Variants in DSCAM observed in about 807,000 individuals in gnomAD.
The protein encoded by DSCAM is DS cell adhesion molecule, also known as cell adhesion molecule DSCAM.
Under a neutral mutation model 217.7 loss-of-function variants are expected in DSCAM, and 47 were observed. The observed-to-expected ratio is 0.22, with a 90% CI of 0.17 to 0.28. DSCAM has a LOEUF of 0.28. Among genes scored for constraint, DSCAM ranks in the 10% least tolerant of loss-of-function variants. DSCAM has a pLI of 1.00. For synonymous variants in DSCAM, 1,056 were observed against 1,015.3 expected (o/e 1.04, Z -0.76); for missense variants, 2,080 against 2,618.3 (o/e 0.79, Z 4.49).
chr21:40,693,016 A>T (rs1035101248), intron 2 of DSCAM, 60 bp from the exon 3 acceptor site: 8 of 1,566,404 alleles, frequency 5.1e-6, no homozygotes, highest in Non-Finnish European at 7.0e-6. Context: ...TTCTGAGAGT[A>T]TCTCACTGTA....
At chr21:40,637,448 T>A (rs1176231213) in intron 3 of DSCAM, among the ~76,000 whole-genome samples, 1 of 43,480 alleles carries the variant, frequency 2.3e-5, no homozygotes, top group Non-Finnish European at 3.8e-5. Flanking sequence ...AATATATATA[T>A]AAATATATAC....
intron 3 of DSCAM, among the ~76,000 whole-genome samples, chr21:40,577,154 T>C (rs74397925): frequency 0.023 from 3,474 of 151,784 alleles, 125 homozygotes; most frequent in East Asian, 0.12. Flanking sequence ...AAATGAATAT[T>C]CATTTATTTA....
At chr21:40,558,883 G>A (rs1026479699) in intron 3 of DSCAM, among the ~76,000 whole-genome samples, 14 of 152,166 alleles carry the variant, frequency 9.2e-5, no homozygotes. Context: ...ATGCCAGGAT[G>A]AAGTGAATTT....
chr21:40,747,042 A>C (rs990746845), intron 1 of DSCAM, among the ~76,000 whole-genome samples: 1 of 151,880 alleles, frequency 6.6e-6, no homozygotes. Context: ...AACATACCAA[A>C]ACCTATGGGA....
intron 3 of DSCAM, among the ~76,000 whole-genome samples, chr21:40,648,979 C>T (rs966103734): frequency 1.3e-4 from 20 of 152,174 alleles, no homozygotes; most frequent in African/African-American, 4.3e-4. Context: ...CCTCCAATGG[C>T]AGGCCCGGGG....
intron 1 of DSCAM, among the ~76,000 whole-genome samples, chr21:40,748,679 C>T (rs911867010): frequency 6.6e-6 from 1 of 151,950 alleles, no homozygotes; most frequent in Non-Finnish European, 1.5e-5. Context: ...AGATTTAATG[C>T]AATCTCTATA....
chr21:40,322,042 G>A (rs535161267), intron 8 of DSCAM, among the ~76,000 whole-genome samples: 3 of 152,254 alleles, frequency 2.0e-5, no homozygotes, highest in African/African-American at 7.2e-5. Context: ...CCTATGCCCA[G>A]AATTAGATAA....
At chr21:40,675,559 G>A (rs971968084) in intron 3 of DSCAM, among the ~76,000 whole-genome samples, 4 of 152,154 alleles carry the variant, frequency 2.6e-5, no homozygotes, top group Non-Finnish European at 5.9e-5. Flanking sequence ...GAAAGGGTTG[G>A]AGACTAAAGA....
chr21:40,654,046 GACCACACTATTGC>G (rs1023917376), intron 3 of DSCAM, among the ~76,000 whole-genome samples: 1 of 150,042 alleles, frequency 6.7e-6, no homozygotes, highest in Non-Finnish European at 1.5e-5. Context: ...AGTGAGCCGA[GACCACACTATTGC>G]ACTCCAGCCT....
At chr21:40,783,250 A>G in intron 1 of DSCAM, among the ~76,000 whole-genome samples, 1 of 152,198 alleles carries the variant, frequency 6.6e-6, no homozygotes, top group East Asian at 1.9e-4. Context: ...TAAGGCTGGC[A>G]CTGATTTACA....
intron 4 of DSCAM, among the ~76,000 whole-genome samples, chr21:40,359,391 T>A (rs1353139136): frequency 1.3e-5 from 2 of 152,224 alleles, no homozygotes; most frequent in African/African-American, 4.8e-5. Flanking sequence ...TGTGGTATAC[T>A]TGCCAAATAA....
intron 3 of DSCAM, among the ~76,000 whole-genome samples, chr21:40,411,222 A>G (rs2075320773): frequency 6.7e-6 from 1 of 149,564 alleles, no homozygotes; most frequent in South Asian, 2.1e-4. Flanking sequence ...ACACACACAC[A>G]CTGAATTGTA....
intron 10 of DSCAM, among the ~76,000 whole-genome samples, chr21:40,292,074 A>G (rs1414824644): frequency 6.6e-6 from 1 of 151,960 alleles, no homozygotes; most frequent in Non-Finnish European, 1.5e-5. Flanking sequence ...TTTTTTTTTA[A>G]ATCTCTTTTA....
intron 3 of DSCAM, among the ~76,000 whole-genome samples, chr21:40,478,597 G>C (rs996191360): frequency 1.3e-5 from 2 of 152,158 alleles, no homozygotes; most frequent in African/African-American, 4.8e-5. Flanking sequence ...TTGGCCAATA[G>C]GGAGGATTTT....
intron 11 of DSCAM, among the ~76,000 whole-genome samples, chr21:40,260,161 C>T (rs1192865701): frequency 6.6e-6 from 1 of 152,180 alleles, no homozygotes; most frequent in African/African-American, 2.4e-5. Context: ...TCTGCTCAAG[C>T]ATCTTTGGAA....
chr21:40,797,749 T>C (rs140550891), intron 1 of DSCAM, among the ~76,000 whole-genome samples: 11 of 152,322 alleles, frequency 7.2e-5, no homozygotes, highest in African/African-American at 2.6e-4. Flanking sequence ...AATGGAGACA[T>C]TCCAGAAACC....
chr21:40,267,250 GT>G (rs1445578946), intron 11 of DSCAM, among the ~76,000 whole-genome samples: 3 of 146,684 alleles, frequency 2.0e-5, no homozygotes, highest in Non-Finnish European at 4.4e-5. Flanking sequence ...TGCCTGAGCT[GT>G]TTTACAGTTA....
At chr21:40,045,931 A>G (rs1285037850) in intron 30 of DSCAM, among the ~76,000 whole-genome samples, 2 of 152,238 alleles carry the variant, frequency 1.3e-5, no homozygotes, top group East Asian at 1.9e-4. Flanking sequence ...CCTGACATAC[A>G]GAGTTTTCTG....
chr21:40,488,138 C>G, intron 3 of DSCAM, among the ~76,000 whole-genome samples: 1 of 152,164 alleles, frequency 6.6e-6, no homozygotes, highest in Non-Finnish European at 1.5e-5. Context: ...TGTTATGCAC[C>G]CATTCTCAAT....
Sources: gnomAD v4.1 joint callset for allele counts (sites outside exome capture counted in the v4.1 genomes callset) on GRCh38, gnomAD v4.1.1 for gene constraint, MANE v1.5 for transcripts, NCBI Gene and HGNC (gene_info 2026-07-23, HGNC 2026-07-21) for gene names.